NRP2: variants seen among roughly 807,000 people sequenced by gnomAD.
NRP2 encodes the protein neuropilin 2, also known as neuropilin-2.
In NRP2, 52 loss-of-function variants were observed where a neutral mutation model predicts 110.4. That is an observed-to-expected ratio of 0.47 (90% CI 0.38 to 0.59). The LOEUF (loss-of-function observed/expected upper bound fraction) is 0.59, where lower values mean the gene tolerates loss of function less well. Ranked by LOEUF, NRP2 falls within the 20% of genes least tolerant of loss-of-function variation. The pLI is 0.00. For missense variants in NRP2, 1,049 were observed against 1,203.0 expected (o/e 0.87, Z 1.89); for synonymous variants, 508 against 468.9 (o/e 1.08, Z -1.08).
At chr2:205,728,491 T>C (rs1342414265) in intron 7 of NRP2, among the ~76,000 whole-genome samples, 1 of 152,146 alleles carries the variant, frequency 6.6e-6, no homozygotes, top group Non-Finnish European at 1.5e-5. Flanking sequence ...CACAATGTCC[T>C]GGAGAAGAAA....
chr2:205,796,800 T>C lies in NRP2; in HGVS notation c.*1742T>C, dbSNP rs1352449162. The C allele has an allele frequency of 1.3e-5, 2 of 152,686 alleles. No individual in the cohort carries two copies. The highest frequency in any genetic ancestry group is 1.5e-5 in the Non-Finnish European group (1 of 68,044). 9.5% of individuals were successfully genotyped at this position (152,686 alleles called of 1,614,324 possible). ...AAGGATTGCCTGTGTGCTGGAAATA[T>C]ATTTGAAACTCAACCAGTATGCCCA... is the stretch of plus-strand genomic sequence containing the variant. On this transcript the variant is annotated 3_prime_UTR_variant, in exon 17 of 17. Transcript: ENST00000357785.
intron 3 of NRP2, among the ~76,000 whole-genome samples, chr2:205,719,252 C>A (rs531376573): frequency 1.3e-5 from 2 of 152,192 alleles, no homozygotes; most frequent in Admixed American, 1.3e-4. Context: ...GCTCTAGAAG[C>A]CTTCGATGGT....
chr2:205,794,155 G>C lies in NRP2; in HGVS notation c.2477-599G>C, dbSNP rs1401101998. 2.0e-5 allele frequency among the ~76,000 whole-genome samples: 3 copies of C among 152,270 alleles called. No individual in the cohort carries two copies. The East Asian group carries it at 5.8e-4, about 29-fold the overall frequency. ...AGACGGAGTCTCGCTCTGTCACCCAGGCTGGAGTGCAGTGGCGCAATCTCG... is the reference window on the plus strand; with the variant it reads ...AGACGGAGTCTCGCTCTGTCACCCACGCTGGAGTGCAGTGGCGCAATCTCG... On this transcript the variant is annotated intron_variant, in intron 16 of 16. Coordinates refer to ENST00000357785, the MANE Select transcript of NRP2 (RefSeq NM_003872.3).
At chr2:205,765,259 T>G (rs2057895129) in intron 13 of NRP2, among the ~76,000 whole-genome samples, 1 of 152,318 alleles carries the variant, frequency 6.6e-6, no homozygotes, top group Non-Finnish European at 1.5e-5. Flanking sequence ...CTTATCCCCT[T>G]AAATATGCGT....
At chr2:205,698,612 A>G (rs2056487726) in intron 2 of NRP2, among the ~76,000 whole-genome samples, 2 of 152,244 alleles carry the variant, frequency 1.3e-5, no homozygotes, top group Admixed American at 1.3e-4. Context: ...AGCAGGCAGC[A>G]TGTCTAGAAT....
intron 11 of NRP2, 162 bp from the exon 12 acceptor site, chr2:205,752,673 A>G (rs2057667544): frequency 1.3e-6 from 1 of 742,434 alleles, no homozygotes; most frequent in Non-Finnish European, 2.3e-6. Context: ...CCTGACCCGA[A>G]AGCCAGCGAT....
intron 2 of NRP2, among the ~76,000 whole-genome samples, chr2:205,715,099 G>A (rs73983240): frequency 0.019 from 2,843 of 152,304 alleles, 101 homozygotes; most frequent in African/African-American, 0.064. Flanking sequence ...TAATGGTGCA[G>A]CGGCCAGCAG....
intron 15 of NRP2, among the ~76,000 whole-genome samples, chr2:205,787,652 T>A (rs1272144299): frequency 6.6e-6 from 1 of 150,970 alleles, no homozygotes; most frequent in Non-Finnish European, 1.5e-5. Flanking sequence ...GGAATGCTAA[T>A]CCCAAATAAT....
rs753461978 is a variant in NRP2 at position 205,723,835 on chromosome 2, C to T, written c.715C>T (p.Arg239Cys). The change falls in exon 5 of 17, where the codon CGT becomes TGT. Residue 239 changes from arginine (R) to cysteine (C), a missense_variant. By Grantham distance (180) the Arg-to-Cys change is radical (BLOSUM62 -3). Transcript: ENST00000357785. ...YCGTKTPSELRSSTGILSLTF... is the reference protein window; with the variant it reads ...YCGTKTPSELCSSTGILSLTF... Reference sequence around the variant, plus strand: ...TGGGACCAAAACACCCTCTGAACTTCGTTCATCGACGGGGATCCTCTCCCT... The same window carrying T: ...TGGGACCAAAACACCCTCTGAACTTTGTTCATCGACGGGGATCCTCTCCCT... 7.4e-6 allele frequency: 12 copies of T among 1,614,198 alleles called. No homozygotes were observed. The highest frequency in any genetic ancestry group is 1.7e-5 in the Admixed American group (1 of 60,032).
At chr2:205,712,310 T>G (rs373749952) in intron 2 of NRP2, among the ~76,000 whole-genome samples, 2 of 152,134 alleles carry the variant, frequency 1.3e-5, no homozygotes, top group African/African-American at 4.8e-5. Context: ...TTAGGAGAGA[T>G]TATGGATAAT....
intron 15 of NRP2, among the ~76,000 whole-genome samples, chr2:205,772,589 T>C (rs2058039140): frequency 6.6e-6 from 1 of 152,220 alleles, no homozygotes; most frequent in African/African-American, 2.4e-5. Flanking sequence ...GTTCAGGAAT[T>C]GAAAGTGTTT....
rs908663546 is a variant in NRP2, at chr2:205,762,754, G to A, written c.2045-920G>A. ...AAGTGGCCAGAATGGTCCTGTACAA[G>A]TTGGATTTGAAGGTGCAGGTCACAC... On this transcript the variant is annotated intron_variant, in intron 12 of 16. Transcript: ENST00000357785. Among the ~76,000 whole-genome samples the A allele has an allele frequency of 7.2e-5, 11 of 152,188 alleles. No individual in the cohort carries two copies. The South Asian group carries it at 8.3e-4, about 11-fold the overall frequency.
chr2:205,734,388 C>A (rs1044896355), intron 7 of NRP2, among the ~76,000 whole-genome samples: 2 of 142,760 alleles, frequency 1.4e-5, no homozygotes, highest in African/African-American at 2.6e-5. Flanking sequence ...GCCTTCATAT[C>A]ATTTCCCACC....
intron 14 of NRP2, 152 bp from the exon 15 acceptor site, chr2:205,766,631 C>T (rs945494846): frequency 4.2e-6 from 3 of 709,692 alleles, no homozygotes. Flanking sequence ...CAGCCTAGAA[C>T]ATGTGGAAGA....
chr2:205,701,772 T>A (rs528198348), intron 2 of NRP2, among the ~76,000 whole-genome samples: 1 of 152,208 alleles, frequency 6.6e-6, no homozygotes, highest in Non-Finnish European at 1.5e-5. Context: ...AATATCCACC[T>A]TTAAAGTTCT....
At chr2:205,704,666 G>A (rs1273335453) in intron 2 of NRP2, among the ~76,000 whole-genome samples, 1 of 152,184 alleles carries the variant, frequency 6.6e-6, no homozygotes, top group Non-Finnish European at 1.5e-5. Context: ...AACGCAGCTG[G>A]AATTACTTTG....
chr2:205,703,598 T>C, intron 2 of NRP2, among the ~76,000 whole-genome samples: 1 of 152,222 alleles, frequency 6.6e-6, no homozygotes, highest in East Asian at 1.9e-4. Flanking sequence ...GGACATGATA[T>C]GGACCTGTTA....
chr2:205,789,536 C>T (rs1370094023), intron 15 of NRP2, among the ~76,000 whole-genome samples: 1 of 152,352 alleles, frequency 6.6e-6, no homozygotes, highest in Non-Finnish European at 1.5e-5. Flanking sequence ...CCACTCTCTC[C>T]TGATGTCTGC....
rs73066114 is a variant in NRP2, at chr2:205,750,224, G to A, written c.1903+383G>A. Among the ~76,000 whole-genome samples, 1,052 of 152,322 alleles carry A rather than the reference G, an allele frequency of 6.9e-3. 13 individuals carry two copies. The highest frequency in any genetic ancestry group is 0.025 in the African/African-American group (1,027 of 41,566). On this transcript the variant is annotated intron_variant, in intron 11 of 16. Transcript: ENST00000357785. ...CTGATAGTTTTTCCTGTTAAGCTGT[G>A]TGTGTATGCTACAGCGAAGTGAAGA...
Sources: gnomAD v4.1 joint callset for allele counts (sites outside exome capture counted in the v4.1 genomes callset) on GRCh38, gnomAD v4.1.1 for gene constraint, MANE v1.5 for transcripts, NCBI Gene and HGNC (gene_info 2026-07-23, HGNC 2026-07-21) for gene names.